The following JAKMIP2 variants were observed in gnomAD, a reference collection of about 807,000 sequenced individuals.
JAKMIP2 encodes janus kinase and microtubule-interacting protein 2.
A neutral mutation model predicts 115.0 loss-of-function variants in JAKMIP2; 25 were observed. The observed-to-expected ratio is 0.22, with a 90% CI of 0.16 to 0.30. The LOEUF (loss-of-function observed/expected upper bound fraction) is 0.30, where lower values mean the gene tolerates loss of function less well. Among genes scored for constraint, JAKMIP2 ranks in the 10% least tolerant of loss-of-function variants. JAKMIP2 has a pLI of 1.00. For missense variants in JAKMIP2, 642 were observed against 957.6 expected, an observed-to-expected ratio of 0.67 and a Z score of 4.35; for synonymous variants, 334 against 343.6, an observed-to-expected ratio of 0.97 and a Z score of 0.31.
chr5:147,601,843 T>A, intron 20 of JAKMIP2, 32 bp from the exon 21 acceptor site: 1 of 1,032,804 alleles, frequency 9.7e-7, no homozygotes, highest in Non-Finnish European at 1.4e-6. Flanking sequence ...ATTATGTAAA[T>A]CTGAATTTCT....
intron 2 of JAKMIP2, among the ~76,000 whole-genome samples, chr5:147,666,461 T>C (rs1336247688): frequency 6.6e-6 from 1 of 152,166 alleles, no homozygotes; most frequent in Non-Finnish European, 1.5e-5. Flanking sequence ...AACCATATAA[T>C]AGCTAGCATT....
Position 147,590,583 on chromosome 5 carries a change from A to G in JAKMIP2, c.*1124T>C, listed in dbSNP as rs1223953656. The stretch of plus-strand genomic sequence containing the variant: ...AGGATTCTTTAAAAAATAATAGTTT[A>G]GTTTAATATTCACATCTCTGTGGCA... On this transcript the variant is annotated 3_prime_UTR_variant, in exon 22 of 22. Transcript: ENST00000616793. The G allele has an allele frequency of 6.6e-6, 1 of 152,212 alleles. No homozygotes were observed. The highest frequency in any genetic ancestry group is 2.4e-5 in the African/African-American group (1 of 41,466). The allele number at this position is 152,212 out of a possible 1,614,324, so 9.4% of individuals were successfully genotyped here.
At chr5:147,653,530 A>G (rs1758517733) in intron 3 of JAKMIP2, among the ~76,000 whole-genome samples, 2 of 151,628 alleles carry the variant, frequency 1.3e-5, no homozygotes, top group Admixed American at 1.3e-4. Context: ...ATGTCTGTTT[A>G]TATACCTTGC....
intron 1 of JAKMIP2, among the ~76,000 whole-genome samples, chr5:147,752,573 C>A (rs1201134729): frequency 6.6e-6 from 1 of 152,142 alleles, no homozygotes; most frequent in African/African-American, 2.4e-5. Context: ...TTAAGGCCCA[C>A]AAAACCTAAA....
chr5:147,636,420 C>T, intron 11 of JAKMIP2, 136 bp from the exon 12 acceptor site: 1 of 645,332 alleles, frequency 1.5e-6, no homozygotes, highest in South Asian at 1.9e-5. Context: ...GTAGCACCCA[C>T]CCCTGCCAGC....
At chr5:147,602,546 T>C (rs1043583322) in intron 20 of JAKMIP2, among the ~76,000 whole-genome samples, 3 of 152,222 alleles carry the variant, frequency 2.0e-5, no homozygotes, top group Admixed American at 2.0e-4. Context: ...ATTTGAGTCA[T>C]GGAAGTTAAA....
intron 1 of JAKMIP2, among the ~76,000 whole-genome samples, chr5:147,690,374 T>C (rs1001994228): frequency 2.6e-4 from 40 of 151,524 alleles, no homozygotes; most frequent in Admixed American, 3.3e-4. Context: ...GGGACCAGCA[T>C]AATAAAGTGG....
intron 3 of JAKMIP2, among the ~76,000 whole-genome samples, chr5:147,653,035 A>G (rs1758485510): frequency 6.6e-6 from 1 of 151,584 alleles, no homozygotes; most frequent in Non-Finnish European, 1.5e-5. Context: ...AAGGACATGA[A>G]CTCATTCTTT....
intron 1 of JAKMIP2, among the ~76,000 whole-genome samples, chr5:147,757,361 G>C (rs913412231): frequency 1.3e-5 from 2 of 152,072 alleles, no homozygotes; most frequent in African/African-American, 4.8e-5. Flanking sequence ...CTGTGATGTG[G>C]CATTAGGGAA....
chr5:147,692,796 A>G (rs1416994275), intron 1 of JAKMIP2, among the ~76,000 whole-genome samples: 1 of 152,196 alleles, frequency 6.6e-6, no homozygotes, highest in African/African-American at 2.4e-5. Flanking sequence ...TTCTCCATCT[A>G]GATTTGAACG....
chr5:147,623,438 A>G (rs1210071058), intron 17 of JAKMIP2, among the ~76,000 whole-genome samples, 183 bp downstream of exon 17: 1 of 151,774 alleles, frequency 6.6e-6, no homozygotes, highest in East Asian at 1.9e-4. Flanking sequence ...TTTTGGGGGG[A>G]GAATATAGCC....
intron 3 of JAKMIP2, 99 bp from the exon 4 acceptor site, chr5:147,650,646 AG>A: frequency 1.1e-6 from 1 of 898,014 alleles, no homozygotes; most frequent in East Asian, 2.6e-5. Flanking sequence ...TGATTGATAC[AG>A]AAAAAAAATC....
rs374486740 is a variant in JAKMIP2 at position 147,614,770 on chromosome 5, G to A, written c.2347-2399C>T. Among the ~76,000 whole-genome samples, 35 of 152,292 alleles carry A rather than the reference G, an allele frequency of 2.3e-4. 1 individual carries two copies. In the South Asian group the frequency reaches 7.0e-3, roughly 31 times the overall value. On this transcript the variant is annotated intron_variant, in intron 19 of 21. Coordinates refer to ENST00000616793, the MANE Select transcript of JAKMIP2 (RefSeq NM_001270941.2). Reference sequence around the variant, plus strand: ...TGTGGCCCTTTCTTAGCTCTGCAACGTCTCCTCCTATCAACCTCACTCTGG... The same window carrying A: ...TGTGGCCCTTTCTTAGCTCTGCAACATCTCCTCCTATCAACCTCACTCTGG...
At chr5:147,682,039 CAAAAA>C (rs201220964) in intron 1 of JAKMIP2, among the ~76,000 whole-genome samples, 3 of 76,310 alleles carry the variant, frequency 3.9e-5, no homozygotes, top group African/African-American at 1.8e-4. Context: ...AACTCTGTTT[CAAAAA>C]AAAAAAAAAG....
intron 20 of JAKMIP2, among the ~76,000 whole-genome samples, chr5:147,607,529 C>T (rs12657989): frequency 2.4e-3 from 370 of 152,176 alleles, no homozygotes; most frequent in African/African-American, 8.5e-3. Context: ...GAAGCCAATG[C>T]GATCGTGGTG....
Position 147,587,884 on chromosome 5 carries a change from T to G in JAKMIP2, c.*3823A>C, listed in dbSNP as rs1754939628. 6.6e-6 allele frequency: 1 copy of G among 151,056 alleles called. No individual in the cohort carries two copies. Among genetic ancestry groups the G allele is most frequent in the African/African-American group, 2.4e-5 (1 of 40,976 alleles). 9.4% of individuals were successfully genotyped at this position (151,056 alleles called of 1,614,324 possible). ...TAAGTGATAACCCAGGCCTTCTATA[T>G]CAGCTCTACCTTATGGACTTGGGAA... is the stretch of plus-strand genomic sequence containing the variant. On this transcript the variant is annotated 3_prime_UTR_variant, in exon 22 of 22. Transcript: ENST00000616793.
chr5:147,689,087 G>A (rs1760710595), intron 1 of JAKMIP2, among the ~76,000 whole-genome samples: 1 of 152,108 alleles, frequency 6.6e-6, no homozygotes, highest in Non-Finnish European at 1.5e-5. Context: ...AAAGGCTGAT[G>A]CCTGGGGGGG....
At chr5:147,594,482 G>A (rs1408654964) in intron 21 of JAKMIP2, 1 of 451,712 alleles carries the variant, frequency 2.2e-6, no homozygotes, top group Non-Finnish European at 4.5e-6. Context: ...CTACAGGTAT[G>A]TGCCCCCATA....
intron 3 of JAKMIP2, 112 bp from the exon 4 acceptor site, chr5:147,650,659 CG>C: frequency 1.3e-6 from 1 of 789,468 alleles, no homozygotes; most frequent in Non-Finnish European, 2.0e-6. Context: ...AAAAAAATCA[CG>C]GATTTGATAA....
Sources: allele counts gnomAD v4.1 joint callset (sites outside exome capture counted in the v4.1 genomes callset), GRCh38; gene constraint gnomAD v4.1.1; transcripts MANE v1.5; gene names NCBI Gene and HGNC (gene_info 2026-07-23, HGNC 2026-07-21).